Variants in MIPOL1 observed in about 807,000 individuals in gnomAD.
MIPOL1 encodes mirror-image polydactyly gene 1 protein.
In MIPOL1, 57 loss-of-function variants were observed where a neutral mutation model predicts 60.9. The ratio of observed to expected loss-of-function variants is 0.94; its 90% CI spans 0.76 to 1.17. MIPOL1 has a LOEUF of 1.17. Among genes scored for constraint, MIPOL1 ranks in the 50% most tolerant of loss-of-function variants. The pLI, the probability that MIPOL1 is intolerant of heterozygous loss-of-function variation, is 0.00. For missense variants in MIPOL1, 551 were observed against 511.6 expected (o/e 1.08, Z -0.74); for synonymous variants, 179 against 168.8 (o/e 1.06, Z -0.47).
intron 11 of MIPOL1, among the ~76,000 whole-genome samples, chr14:37,430,760 T>C (rs1184331840): frequency 6.6e-6 from 1 of 152,196 alleles, no homozygotes. Flanking sequence ...ATGTAATTTA[T>C]AAAATCACTT....
intron 11 of MIPOL1, among the ~76,000 whole-genome samples, chr14:37,455,390 C>A (rs1566635309): frequency 6.6e-6 from 1 of 152,100 alleles, no homozygotes; most frequent in Non-Finnish European, 1.5e-5. Flanking sequence ...TTCTTGACTG[C>A]CATTTACCTT....
chr14:37,445,610 G>A (rs368106118), intron 11 of MIPOL1, among the ~76,000 whole-genome samples: 12,901 of 149,156 alleles, frequency 0.086, 752 homozygotes, highest in East Asian at 0.31. Flanking sequence ...AGCCCGCATC[G>A]CCAAGTCAAT....
chr14:37,284,346 A>G (rs1366361977), intron 6 of MIPOL1, among the ~76,000 whole-genome samples: 1 of 151,264 alleles, frequency 6.6e-6, no homozygotes, highest in African/African-American at 2.4e-5. Context: ...ATTTTTATTT[A>G]TGTATTTATA....
intron 3 of MIPOL1, among the ~76,000 whole-genome samples, chr14:37,251,583 T>A (rs1245598555): frequency 2.6e-5 from 4 of 151,706 alleles, no homozygotes; most frequent in Non-Finnish European, 4.4e-5. Flanking sequence ...TGAAATGTCA[T>A]AATCAAAGGA....
intron 10 of MIPOL1, among the ~76,000 whole-genome samples, chr14:37,395,831 C>G (rs945232899): frequency 1.3e-5 from 2 of 152,024 alleles, no homozygotes; most frequent in Non-Finnish European, 2.9e-5. Flanking sequence ...ATAAGAATAG[C>G]TACCCCTGCT....
intron 6 of MIPOL1, chr14:37,277,443 A>G (rs2083756087): frequency 6.6e-6 from 1 of 151,288 alleles, no homozygotes. Context: ...TCACATTGGA[A>G]AAGGTAGCTC....
At chr14:37,389,426 AT>A (rs1760397211) in intron 10 of MIPOL1, among the ~76,000 whole-genome samples, 1 of 152,068 alleles carries the variant, frequency 6.6e-6, no homozygotes, top group Non-Finnish European at 1.5e-5. Flanking sequence ...ATTGCACCTA[AT>A]CACATGATTG....
intron 12 of MIPOL1, among the ~76,000 whole-genome samples, chr14:37,527,393 G>A (rs56183766): frequency 0.015 from 2,297 of 151,974 alleles, 22 homozygotes; most frequent in South Asian, 0.022. Flanking sequence ...AAACTTAGCC[G>A]TTGTGTTATT....
chr14:37,303,985 T>C (rs1466062344), intron 7 of MIPOL1, among the ~76,000 whole-genome samples: 1 of 151,784 alleles, frequency 6.6e-6, no homozygotes, highest in Non-Finnish European at 1.5e-5. Flanking sequence ...GTCAGCATAG[T>C]ATCAGATGGT....
At chr14:37,441,419 T>G (rs1242722048) in intron 11 of MIPOL1, among the ~76,000 whole-genome samples, 1 of 152,140 alleles carries the variant, frequency 6.6e-6, no homozygotes, top group Non-Finnish European at 1.5e-5. Flanking sequence ...TTCTATACGG[T>G]GAGAGATAAG....
downstream of MIPOL1, chr14:37,551,628 T>G (rs2095561785): frequency 1.3e-5 from 2 of 151,964 alleles, no homozygotes; most frequent in African/African-American, 4.8e-5. Flanking sequence ...ATCCCAGCAT[T>G]TTGGGAGGCC....
chr14:37,372,400 G>A (rs1351835620), intron 10 of MIPOL1, among the ~76,000 whole-genome samples: 1 of 152,004 alleles, frequency 6.6e-6, no homozygotes, highest in Non-Finnish European at 1.5e-5. Flanking sequence ...TAGAGACTAA[G>A]ATTAGATTTT....
At chr14:37,338,442 A>G (rs1381556336) in intron 9 of MIPOL1, among the ~76,000 whole-genome samples, 3 of 141,852 alleles carry the variant, frequency 2.1e-5, no homozygotes, top group South Asian at 4.5e-4. Flanking sequence ...AGAATCTCGC[A>G]CTGTCATCCA....
intron 1 of MIPOL1, among the ~76,000 whole-genome samples, chr14:37,228,325 C>CTTTTTTTT (rs397961053): frequency 2.3e-4 from 24 of 105,124 alleles, no homozygotes; most frequent in African/African-American, 4.6e-4. Context: ...TCTTTCTTTT[C>CTTTTTTTT]TTTTTTTTTT....
intron 3 of MIPOL1, among the ~76,000 whole-genome samples, chr14:37,258,026 A>G (rs1594771462): frequency 6.6e-6 from 1 of 152,120 alleles, no homozygotes; most frequent in Admixed American, 6.6e-5. Flanking sequence ...TGTTAACTCC[A>G]GCTTTAGGAT....
chr14:37,509,741 T>C (rs1236214232), intron 12 of MIPOL1, among the ~76,000 whole-genome samples: 2 of 151,392 alleles, frequency 1.3e-5, no homozygotes, highest in Admixed American at 6.6e-5. Context: ...GTGTATCACA[T>C]GCACATGTGA....
chr14:37,382,509 T>G (rs532118631), intron 10 of MIPOL1, among the ~76,000 whole-genome samples: 9 of 152,074 alleles, frequency 5.9e-5, no homozygotes, highest in Non-Finnish European at 1.0e-4. Context: ...AATGTAGTTT[T>G]CATACCAAAC....
rs562624493 is a variant in MIPOL1, at chr14:37,490,347, G to T, written c.1032-9561G>T. 5.9e-5 allele frequency among the ~76,000 whole-genome samples: 9 copies of T among 152,270 alleles called. No individual in the cohort carries two copies. In the East Asian group the frequency reaches 1.4e-3, roughly 23 times the overall value. On this transcript the variant is annotated intron_variant, in intron 11 of 12. Coordinates refer to ENST00000684589, the MANE Select transcript of MIPOL1 (RefSeq NM_001388067.1). Reference sequence around the variant, plus strand: ...AGGTCGACCTCATACTCCTGTACTGGCAATGAGAATTTCAAGCCAGTGGAT... The same window carrying T: ...AGGTCGACCTCATACTCCTGTACTGTCAATGAGAATTTCAAGCCAGTGGAT...
At chr14:37,386,478 A>C (rs1290807255) in intron 10 of MIPOL1, among the ~76,000 whole-genome samples, 1 of 151,930 alleles carries the variant, frequency 6.6e-6, no homozygotes, top group Non-Finnish European at 1.5e-5. Flanking sequence ...TCTCCATATA[A>C]CTGGATTTTT....
Sources: allele counts gnomAD v4.1 joint callset (sites outside exome capture counted in the v4.1 genomes callset), GRCh38; gene constraint gnomAD v4.1.1; transcripts MANE v1.5; gene names NCBI Gene and HGNC (gene_info 2026-07-23, HGNC 2026-07-21).